The following PRKCH variants were observed in gnomAD, a reference collection of about 807,000 sequenced individuals.
The protein encoded by PRKCH is protein kinase C eta type.
In PRKCH, 28 loss-of-function variants were observed where a neutral mutation model predicts 82.5. The observed-to-expected ratio is 0.34, with a 90% CI of 0.25 to 0.47. The LOEUF is 0.47. PRKCH is among the 20% of genes least tolerant of loss of function. The pLI is 1.00. For synonymous variants in PRKCH, 322 were observed against 327.4 expected (o/e 0.98, Z 0.18); for missense variants, 705 against 881.8 (o/e 0.80, Z 2.54).
intron 1 of PRKCH, among the ~76,000 whole-genome samples, chr14:61,219,160 T>C (rs896408659): frequency 5.3e-5 from 8 of 152,356 alleles, no homozygotes; most frequent in African/African-American, 1.7e-4. Flanking sequence ...AGGTGTGTTA[T>C]AGGGGCTCAT....
At chr14:61,428,064 TAGATAGATAG>T (rs1249300114) in intron 2 of PRKCH, among the ~76,000 whole-genome samples, 1 of 75,824 alleles carries the variant, frequency 1.3e-5, no homozygotes, top group Non-Finnish European at 3.1e-5. Context: ...GATAGATAGA[TAGATAGATAG>T]ATACACACAC....
chr14:61,320,540 G>A (rs1033742918), upstream of PRKCH, among the ~76,000 whole-genome samples: 1 of 152,130 alleles, frequency 6.6e-6, no homozygotes, highest in Admixed American at 6.5e-5. Context: ...CGGAGGTTGC[G>A]GTGAGCCGAG....
At chr14:61,243,543 G>C (rs2044858298) in intron 1 of PRKCH, among the ~76,000 whole-genome samples, 1 of 152,102 alleles carries the variant, frequency 6.6e-6, no homozygotes, top group Non-Finnish European at 1.5e-5. Flanking sequence ...ACAGCTTGGG[G>C]AACGGAGGGT....
chr14:61,455,505 T>A (rs1242348028), intron 7 of PRKCH, among the ~76,000 whole-genome samples: 1 of 152,192 alleles, frequency 6.6e-6, no homozygotes, highest in Non-Finnish European at 1.5e-5. Context: ...GTATTTGAAA[T>A]CCGGTCTGTC....
intron 1 of PRKCH, among the ~76,000 whole-genome samples, chr14:61,229,054 T>C (rs2044719566): frequency 6.6e-6 from 1 of 152,084 alleles, no homozygotes; most frequent in Non-Finnish European, 1.5e-5. Flanking sequence ...GAAATTCCAC[T>C]GGTAGGAATT....
intron 1 of PRKCH, among the ~76,000 whole-genome samples, chr14:61,371,001 T>C (rs1454773142): frequency 6.6e-6 from 1 of 152,106 alleles, no homozygotes; most frequent in Non-Finnish European, 1.5e-5. Context: ...AGGCCAGATA[T>C]TCTTTTGCAC....
At chr14:61,189,146 C>G (rs1012843217) in intron 1 of PRKCH, among the ~76,000 whole-genome samples, 4 of 152,296 alleles carry the variant, frequency 2.6e-5, no homozygotes, top group African/African-American at 9.6e-5. Flanking sequence ...GCTCCCAGCG[C>G]CCCAGCGCCC....
intron 1 of PRKCH, chr14:61,281,514 T>G: frequency 5.7e-6 from 1 of 175,498 alleles, no homozygotes; most frequent in Non-Finnish European, 1.3e-5. Context: ...CCTCCTCTCC[T>G]AGGTGAGTGG....
At chr14:61,362,599 T>A (rs1261306181) in intron 1 of PRKCH, among the ~76,000 whole-genome samples, 2 of 152,210 alleles carry the variant, frequency 1.3e-5, no homozygotes, top group African/African-American at 2.4e-5. Flanking sequence ...TTCATGTGAC[T>A]GACACAGAAG....
chr14:61,284,949 A>G (rs2045301562), intron 1 of PRKCH, among the ~76,000 whole-genome samples: 1 of 152,096 alleles, frequency 6.6e-6, no homozygotes, highest in Non-Finnish European at 1.5e-5. Context: ...AGATTGAAAT[A>G]AATATTTTCT....
At chr14:61,339,622 C>CTTTTTTTTTTT (rs757220300) in intron 1 of PRKCH, among the ~76,000 whole-genome samples, 2 of 60,030 alleles carry the variant, frequency 3.3e-5, no homozygotes, top group African/African-American at 6.4e-5. Context: ...CAAGCCCGGC[C>CTTTTTTTTTTT]TTTTTTTTTT....
chr14:61,391,162 T>C (rs2046673954), intron 1 of PRKCH, 63 bp from the exon 2 acceptor site: 2 of 1,411,714 alleles, frequency 1.4e-6, no homozygotes, highest in African/African-American at 1.5e-5. Flanking sequence ...TGATGAATTG[T>C]TTAAGGCCCA....
chr14:61,464,959 G>A (rs1051336380), intron 9 of PRKCH, among the ~76,000 whole-genome samples: 3 of 152,106 alleles, frequency 2.0e-5, no homozygotes, highest in African/African-American at 7.2e-5. Flanking sequence ...TTGAGGAGTC[G>A]CCACATGGTT....
At chr14:61,531,614 C>T (rs987813615) in intron 12 of PRKCH, among the ~76,000 whole-genome samples, 7 of 152,130 alleles carry the variant, frequency 4.6e-5, no homozygotes, top group Admixed American at 2.0e-4. Flanking sequence ...TTCTCTACAT[C>T]GCTAAAAGAG....
chr14:61,317,683 C>T (rs998950308), upstream of PRKCH, among the ~76,000 whole-genome samples: 4 of 152,158 alleles, frequency 2.6e-5, no homozygotes, highest in Non-Finnish European at 5.9e-5. Flanking sequence ...AATACCTGGA[C>T]ACCACATCTT....
At chr14:61,245,010 C>T (rs1954010) in intron 1 of PRKCH, among the ~76,000 whole-genome samples, 109,616 of 152,072 alleles carry the variant, frequency 0.72, 40,267 homozygotes, top group Non-Finnish European at 0.79. Context: ...TGAGGCACAG[C>T]GTGTGGCTGT....
Position 61,457,685 on chromosome 14 carries a change from T to C in PRKCH, c.1278+6T>C, listed in dbSNP as rs1448923759. The C allele has an allele frequency of 5.2e-5, 84 of 1,613,604 alleles. No homozygotes were observed. Among genetic ancestry groups the C allele is most frequent in the Non-Finnish European group, 7.0e-5 (82 of 1,179,734 alleles). ...TCTGCTGCTTTCAGACCCCCGTAAG[T>C]ATGAATCACATTCACTGCACCAACA... On this transcript the variant is annotated splice_donor_region_variant and intron_variant, in intron 9 of 13. Transcript: ENST00000332981.
chr14:61,252,928 G>T (rs1279816978), intron 1 of PRKCH, among the ~76,000 whole-genome samples: 1 of 152,110 alleles, frequency 6.6e-6, no homozygotes, highest in Non-Finnish European at 1.5e-5. Context: ...ACACACACAA[G>T]CAAGGGACTC....
In PRKCH at chr14:61,280,126, C is replaced by T; in HGVS notation, c.-19+92458C>T. ...GTCGTCGTCGTCCTGGTCCTGGTAG[C>T]GAATGTAGACGACCAGCATGACAAA... is the stretch of plus-strand genomic sequence containing the variant. On this transcript the variant is annotated intron_variant, in intron 1 of 3. Transcript: ENST00000555185. The surrounding 1 kb of genome is among the most constrained non-coding windows in gnomAD (Gnocchi z 5.0). 1.2e-6 allele frequency: 2 copies of T among 1,613,470 alleles called. No individual in the cohort carries two copies. Among genetic ancestry groups the T allele is most frequent in the Non-Finnish European group, 1.7e-6 (2 of 1,179,700 alleles).
Sources: allele counts gnomAD v4.1 joint callset (sites outside exome capture counted in the v4.1 genomes callset), GRCh38; gene constraint gnomAD v4.1.1; non-coding constraint Gnocchi (gnomAD v3.1); transcripts MANE v1.5; gene names NCBI Gene and HGNC (gene_info 2026-07-23, HGNC 2026-07-21).